Variants in PPP1R14D observed in about 807,000 individuals in gnomAD.
The protein encoded by PPP1R14D is protein phosphatase 1 regulatory subunit 14D.
Under a neutral mutation model 17.1 loss-of-function variants are expected in PPP1R14D, and 14 were observed. The observed-to-expected ratio is 0.82, with a 90% CI of 0.54 to 1.28. The LOEUF (loss-of-function observed/expected upper bound fraction) is 1.28, where lower values mean the gene tolerates loss of function less well. PPP1R14D is among the 50% of genes most tolerant of loss of function. PPP1R14D has a pLI of 0.00. For synonymous variants in PPP1R14D, 67 were observed against 66.1 expected, an observed-to-expected ratio of 1.01 and a Z score of -0.06; for missense variants, 173 against 179.2, an observed-to-expected ratio of 0.97 and a Z score of 0.20.
chr15:40,825,300 G>A (rs1430699409), intron 1 of PPP1R14D, among the ~76,000 whole-genome samples: 4 of 149,898 alleles, frequency 2.7e-5, no homozygotes, highest in African/African-American at 9.8e-5. Context: ...AAAAAAAAAA[G>A]AAAGAAAGAA....
At chr15:40,820,517 C>G (rs1890757244) in intron 1 of PPP1R14D, among the ~76,000 whole-genome samples, 1 of 151,652 alleles carries the variant, frequency 6.6e-6, no homozygotes. Flanking sequence ...AATTAGCAGA[C>G]AAGGAAAACA....
At position 40,815,707 on chromosome 15, in the gene PPP1R14D, G is replaced by T; in HGVS notation, c.427C>A (p.Pro143Thr). ...ATGGTCTCTCAGGCTTATTTCTGAG[G>T]CCGGCTGAGTCTCCGGAGTTTCTTG... ...QLKKLRRLSR[P>T]QK Residue 143 changes from proline to threonine, a missense_variant, in exon 4 of 4, where the codon CCT becomes ACT. Transcript: ENST00000299174. 1 of 1,613,812 alleles carries T rather than the reference G, an allele frequency of 6.2e-7. No individual in the cohort carries two copies. The highest frequency in any genetic ancestry group is 8.5e-7 in the Non-Finnish European group (1 of 1,179,872).
At position 40,816,586 on chromosome 15, in the gene PPP1R14D, G is replaced by A. The variant is rs1373988976; in HGVS notation, c.256-333C>T. 4.6e-5 allele frequency among the ~76,000 whole-genome samples: 7 copies of A among 151,744 alleles called. No homozygotes were observed. In the East Asian group the frequency reaches 7.8e-4, roughly 17 times the overall value. On this transcript the variant is annotated intron_variant, in intron 1 of 3. Transcript: ENST00000299174. ...AAATAAGCCGGGCATGGTGGTGGACGCCTGTAATCCCAGCTACTTGGGAGG... is the reference window on the plus strand; with the variant it reads ...AAATAAGCCGGGCATGGTGGTGGACACCTGTAATCCCAGCTACTTGGGAGG...
At chr15:40,827,213 A>G (rs1459721003) in intron 1 of PPP1R14D, among the ~76,000 whole-genome samples, 1 of 152,222 alleles carries the variant, frequency 6.6e-6, no homozygotes, top group Non-Finnish European at 1.5e-5. Context: ...AACACTTGAG[A>G]TGTGGCCCAT....
At chr15:40,822,226 T>A (rs1051228382) in intron 1 of PPP1R14D, among the ~76,000 whole-genome samples, 1 of 152,020 alleles carries the variant, frequency 6.6e-6, no homozygotes, top group Non-Finnish European at 1.5e-5. Flanking sequence ...GGCTCATTCC[T>A]ATAATCCCAG....
At chr15:40,823,400 C>A (rs1026864154) in intron 1 of PPP1R14D, among the ~76,000 whole-genome samples, 1 of 152,072 alleles carries the variant, frequency 6.6e-6, no homozygotes, top group Non-Finnish European at 1.5e-5. Context: ...AGCCACTGTA[C>A]CCAGCAGGAA....
Position 40,816,150 on chromosome 15 carries a change from G to T in PPP1R14D, c.339+20C>A, listed in dbSNP as rs779119244. On this transcript the variant is annotated intron_variant, in intron 2 of 3. Transcript: ENST00000299174. ...CTGGGTTCCCACTGACCCAAGGCCA[G>T]CTTCTAGCCCCCATCCTACCTCCAG... The T allele has an allele frequency of 1.2e-6, 2 of 1,612,970 alleles. No individual in the cohort carries two copies. Among genetic ancestry groups the T allele is most frequent in the Admixed American group, 1.7e-5 (1 of 60,010 alleles).
chr15:40,825,512 G>A (rs552558718), intron 1 of PPP1R14D, among the ~76,000 whole-genome samples: 11 of 152,278 alleles, frequency 7.2e-5, no homozygotes, highest in South Asian at 4.1e-4. Flanking sequence ...CATCCAGGGA[G>A]AAGAGGTAGG....
At position 40,828,453 on chromosome 15, in the gene PPP1R14D, C is replaced by G. The variant is rs766951244; in HGVS notation, c.189G>C (p.Arg63=). Residue 63 remains arginine, a synonymous_variant, in exon 1 of 4, where the codon CGG becomes CGC. Transcript: ENST00000299174. ...RPSRLTVKYD[R]GQLQRWLEME... ...TCTCCAGCCAGCGCTGGAGCTGGCCCCGGTCATACTTCACTGTCAGGCGGC... is the reference window on the plus strand; with the variant it reads ...TCTCCAGCCAGCGCTGGAGCTGGCCGCGGTCATACTTCACTGTCAGGCGGC... The G allele has an allele frequency of 3.7e-6, 6 of 1,614,126 alleles. No individual in the cohort carries two copies. The highest frequency in any genetic ancestry group is 1.6e-4 in the Middle Eastern group (1 of 6,062).
chr15:40,816,048 T>A, intron 2 of PPP1R14D, 54 bp from the exon 3 acceptor site: 1 of 1,607,164 alleles, frequency 6.2e-7, no homozygotes, highest in South Asian at 1.1e-5. Context: ...TTCCCGCAAG[T>A]CCCCACCAAT....
intron 1 of PPP1R14D, among the ~76,000 whole-genome samples, chr15:40,819,771 A>T (rs953336515): frequency 6.6e-6 from 1 of 152,074 alleles, no homozygotes; most frequent in African/African-American, 2.4e-5. Flanking sequence ...TCCACATATG[A>T]TGGAAATAGC....
intron 1 of PPP1R14D, among the ~76,000 whole-genome samples, chr15:40,818,609 A>G (rs996255175): frequency 1.3e-5 from 2 of 152,222 alleles, no homozygotes; most frequent in African/African-American, 4.8e-5. Flanking sequence ...AAAAAAAAGA[A>G]GAAGCCAACT....
chr15:40,816,843 G>A (rs1233939149), intron 1 of PPP1R14D, among the ~76,000 whole-genome samples: 1 of 151,402 alleles, frequency 6.6e-6, no homozygotes, highest in East Asian at 2.0e-4. Flanking sequence ...AGGCTGAGGT[G>A]GGTGGATTAT....
intron 1 of PPP1R14D, among the ~76,000 whole-genome samples, chr15:40,827,856 G>T (rs1161537284): frequency 6.6e-6 from 1 of 152,130 alleles, no homozygotes; most frequent in East Asian, 1.9e-4. Context: ...AACCCAGCAG[G>T]CAGAGCAGTG....
chr15:40,820,197 C>T lies in PPP1R14D; in HGVS notation c.256-3944G>A, dbSNP rs148380825. On this transcript the variant is annotated intron_variant, in intron 1 of 3. Coordinates refer to ENST00000299174, the MANE Select transcript of PPP1R14D (RefSeq NM_017726.8). ...TTTTGCTGACAGGGTCTCGCTCTGT[C>T]ACCCAGGCTGGAGTGCAGTGGTGCG... Among the ~76,000 whole-genome samples, 1,106 of 130,386 alleles carry T rather than the reference C, an allele frequency of 8.5e-3. 13 individuals carry two copies. Among genetic ancestry groups the T allele is most frequent in the African/African-American group, 0.03 (1,023 of 34,460 alleles). The allele number at this position is 130,386 out of a possible 152,430, so 85.5% of individuals were successfully genotyped here. A position where few individuals can be genotyped will look rare whatever the true frequency, so the allele number is the denominator to read the frequency against.
At chr15:40,827,368 C>T (rs989663959) in intron 1 of PPP1R14D, among the ~76,000 whole-genome samples, 12 of 152,114 alleles carry the variant, frequency 7.9e-5, no homozygotes, top group Non-Finnish European at 1.8e-4. Context: ...ATTAGTCGGG[C>T]ACAGTGGCGC....
intron 1 of PPP1R14D, 112 bp downstream of exon 1, chr15:40,828,275 C>T (rs1890904183): frequency 3.6e-6 from 5 of 1,381,204 alleles, no homozygotes; most frequent in Non-Finnish European, 4.9e-6. Context: ...GTTACAAAAG[C>T]TTTCTCTTCA....
chr15:40,826,003 T>C (rs1268121404), intron 1 of PPP1R14D, among the ~76,000 whole-genome samples: 2 of 152,298 alleles, frequency 1.3e-5, no homozygotes, highest in East Asian at 3.9e-4. Flanking sequence ...TTTGAGACTG[T>C]ATGCAAGTGC....
At position 40,815,707 on chromosome 15, in the gene PPP1R14D, G is replaced by A; in HGVS notation, c.427C>T (p.Pro143Ser). Reference sequence around the variant, plus strand: ...ATGGTCTCTCAGGCTTATTTCTGAGGCCGGCTGAGTCTCCGGAGTTTCTTG... The same window carrying A: ...ATGGTCTCTCAGGCTTATTTCTGAGACCGGCTGAGTCTCCGGAGTTTCTTG... ...QLKKLRRLSR[P>S]QK The change falls in exon 4 of 4, where the codon CCT becomes TCT. Residue 143 changes from proline to serine, a missense_variant. Physicochemically the swap from Pro to Ser is moderately conservative, Grantham distance 74 (BLOSUM62 -1). Transcript: ENST00000299174. 1 of 1,613,812 alleles carries A rather than the reference G, an allele frequency of 6.2e-7. No homozygotes were observed. The highest frequency in any genetic ancestry group is 8.5e-7 in the Non-Finnish European group (1 of 1,179,872).
Sources: gnomAD v4.1 joint callset for allele counts (sites outside exome capture counted in the v4.1 genomes callset) on GRCh38, gnomAD v4.1.1 for gene constraint, MANE v1.5 for transcripts, NCBI Gene and HGNC (gene_info 2026-07-23, HGNC 2026-07-21) for gene names.